The following TRMO variants were observed in gnomAD, a reference collection of about 807,000 sequenced individuals.
TRMO encodes tRNA methyltransferase O.
Under a neutral mutation model 37.2 loss-of-function variants are expected in TRMO, and 30 were observed. That is an observed-to-expected ratio of 0.81 (90% CI 0.60 to 1.09). The LOEUF is 1.09. Among genes scored for constraint, TRMO ranks in the 50% least tolerant of loss-of-function variants. The pLI is 0.00. For missense variants in TRMO, 552 were observed against 549.5 expected (o/e 1.00, Z -0.05); for synonymous variants, 239 against 199.4 (o/e 1.20, Z -1.67).
intron 4 of TRMO, among the ~76,000 whole-genome samples, chr9:97,909,586 C>G (rs978777167): frequency 6.6e-6 from 1 of 152,122 alleles, no homozygotes; most frequent in Non-Finnish European, 1.5e-5. Context: ...TCAAGTCAGA[C>G]AGTAAAACAA....
At chr9:97,920,670 GT>G (rs569168998) in intron 1 of TRMO, among the ~76,000 whole-genome samples, 2 of 152,292 alleles carry the variant, frequency 1.3e-5, no homozygotes, top group Admixed American at 6.5e-5. Context: ...TCAATGTGGG[GT>G]TTTTTGTGTA....
chr9:97,913,304 G>A (rs750383740), intron 3 of TRMO, 97 bp downstream of exon 3: 2 of 1,378,418 alleles, frequency 1.5e-6, no homozygotes, highest in South Asian at 1.2e-5. Context: ...AACATCATTG[G>A]TACTCGTCTG....
intron 4 of TRMO, among the ~76,000 whole-genome samples, chr9:97,908,376 C>T (rs1825956939): frequency 6.8e-6 from 1 of 147,534 alleles, no homozygotes; most frequent in African/African-American, 2.5e-5. Context: ...CGAGCCATTG[C>T]ACTCCAGCCT....
intron 2 of TRMO, 22 bp from the exon 3 acceptor site, chr9:97,913,580 A>G (rs956509460): frequency 1.3e-6 from 2 of 1,509,808 alleles, no homozygotes; most frequent in South Asian, 2.3e-5. Context: ...AAAACAAAAC[A>G]AACCACGGAA....
intron 3 of TRMO, chr9:97,911,094 A>C: frequency 3.1e-6 from 1 of 323,294 alleles, no homozygotes; most frequent in Non-Finnish European, 6.3e-6. Flanking sequence ...GAAGGTTCTT[A>C]CTGTGGCAAA....
intron 4 of TRMO, among the ~76,000 whole-genome samples, chr9:97,905,886 T>G (rs1825833240): frequency 6.6e-6 from 1 of 152,176 alleles, no homozygotes; most frequent in Admixed American, 6.5e-5. Flanking sequence ...CTGGGCACGG[T>G]GGCTCACACC....
At chr9:97,909,273 G>A (rs1825999164) in intron 4 of TRMO, among the ~76,000 whole-genome samples, 1 of 152,134 alleles carries the variant, frequency 6.6e-6, no homozygotes, top group South Asian at 2.1e-4. Flanking sequence ...ACTTCTTACT[G>A]GTATCGCTGT....
downstream of TRMO, among the ~76,000 whole-genome samples, chr9:97,901,986 G>A (rs1206765757): frequency 6.6e-6 from 1 of 152,230 alleles, no homozygotes; most frequent in Non-Finnish European, 1.5e-5. Flanking sequence ...TTGAGATCAT[G>A]TTATGAGAAA....
chr9:97,898,675 G>T, the TRMO span, among the ~76,000 whole-genome samples: 1 of 151,784 alleles, frequency 6.6e-6, no homozygotes, highest in Non-Finnish European at 1.5e-5. Flanking sequence ...AGCATGAGCT[G>T]CCGTGCCCCA....
chr9:97,898,824 C>CAT, the TRMO span, among the ~76,000 whole-genome samples: 231 of 123,268 alleles, frequency 1.9e-3, 1 homozygote, highest in African/African-American at 2.2e-3. Flanking sequence ...ATTGCATTTT[C>CAT]ATATATATAT....
At position 97,910,247 on chromosome 9, in the gene TRMO, C is replaced by T. The variant is rs140716607; in HGVS notation, c.779G>A (p.Arg260His). ...IAVDFGLESR[R>H]DQSSSVAEEQ... is the part of the protein sequence containing the mutation. Reference sequence around the variant, plus strand: ...TTCTGCCACGCTGGAACTCTGATCACGTCTTGATTCCAAACCAAAATCCAC... The same window carrying T: ...TTCTGCCACGCTGGAACTCTGATCATGTCTTGATTCCAAACCAAAATCCAC... The change falls in exon 4 of 5, where the codon CGT becomes CAT. Residue 260 changes from arginine (R) to histidine (H), a missense_variant. Coordinates refer to ENST00000375119, the MANE Select transcript of TRMO (RefSeq NM_016481.5). 19 of 1,614,128 alleles carry T rather than the reference C, an allele frequency of 1.2e-5. No individual in the cohort carries two copies. In the Admixed American group the frequency reaches 1.5e-4, roughly 13 times the overall value.
intron 2 of TRMO, chr9:97,915,862 C>A (rs1253339141): frequency 1.9e-5 from 4 of 213,292 alleles, no homozygotes; most frequent in Non-Finnish European, 3.7e-5. Flanking sequence ...CATGGTGAAA[C>A]CCCATCTCTA....
intron 1 of TRMO, among the ~76,000 whole-genome samples, chr9:97,920,277 G>C (rs1826565993): frequency 6.6e-6 from 1 of 152,200 alleles, no homozygotes; most frequent in Non-Finnish European, 1.5e-5. Context: ...CCTTTGCAGG[G>C]ATAGAGATAA....
At chr9:97,921,072 T>C (rs1826606069) in intron 1 of TRMO, among the ~76,000 whole-genome samples, 1 of 152,224 alleles carries the variant, frequency 6.6e-6, no homozygotes, top group Non-Finnish European at 1.5e-5. Context: ...TAATCGGCAG[T>C]GTGCAACAAT....
intron 4 of TRMO, among the ~76,000 whole-genome samples, chr9:97,908,351 G>C (rs1013729244): frequency 6.6e-6 from 1 of 150,464 alleles, no homozygotes; most frequent in Admixed American, 6.6e-5. Context: ...GGCGGAGCTT[G>C]CAGTGAGCCG....
At chr9:97,915,017 T>A (rs1279813638) in intron 2 of TRMO, among the ~76,000 whole-genome samples, 1 of 152,186 alleles carries the variant, frequency 6.6e-6, no homozygotes, top group East Asian at 1.9e-4. Context: ...ACAAACTAGG[T>A]CAGAACATAC....
At chr9:97,914,237 A>G (rs1349115784) in intron 2 of TRMO, among the ~76,000 whole-genome samples, 1 of 152,230 alleles carries the variant, frequency 6.6e-6, no homozygotes, top group East Asian at 1.9e-4. Flanking sequence ...AAGAACATGA[A>G]TAAGTAATTC....
chr9:97,913,181 T>C, intron 3 of TRMO: 2 of 505,554 alleles, frequency 4.0e-6, no homozygotes, highest in Admixed American at 6.6e-5. Flanking sequence ...TTTGGATATA[T>C]GCAATAATAT....
At chr9:97,905,610 A>C (rs1349574006) in intron 4 of TRMO, among the ~76,000 whole-genome samples, 1 of 152,224 alleles carries the variant, frequency 6.6e-6, no homozygotes, top group East Asian at 1.9e-4. Flanking sequence ...GGTATGTATA[A>C]AACATAAATT....
Sources: gnomAD v4.1 joint callset for allele counts (sites outside exome capture counted in the v4.1 genomes callset) on GRCh38, gnomAD v4.1.1 for gene constraint, MANE v1.5 for transcripts, NCBI Gene and HGNC (gene_info 2026-07-23, HGNC 2026-07-21) for gene names.